LACTB2: variants seen among roughly 807,000 people sequenced by gnomAD.
LACTB2 encodes the protein endoribonuclease LACTB2.
LACTB2 carries 32 observed loss-of-function variants against 34.8 expected under a neutral mutation model. That is an observed-to-expected ratio of 0.92 (90% CI 0.69 to 1.24). The LOEUF (loss-of-function observed/expected upper bound fraction) is 1.24. Among genes scored for constraint, LACTB2 ranks in the 50% most tolerant of loss-of-function variants. The probability of loss-of-function intolerance (pLI) is 0.00; values close to 1 mark genes in which losing one functional copy is unlikely to be tolerated. For synonymous variants in LACTB2, 120 were observed against 117.5 expected (o/e 1.02, Z -0.14); for missense variants, 320 against 345.0 (o/e 0.93, Z 0.57).
chr8:70,646,956 A>G (rs1818271620), intron 3 of LACTB2, among the ~76,000 whole-genome samples: 1 of 152,156 alleles, frequency 6.6e-6, no homozygotes, highest in Non-Finnish European at 1.5e-5. Context: ...TTATACGCTC[A>G]GTACTTGGCA....
At chr8:70,639,706 T>G (rs1818171465) in intron 5 of LACTB2, among the ~76,000 whole-genome samples, 1 of 151,864 alleles carries the variant, frequency 6.6e-6, no homozygotes, top group Non-Finnish European at 1.5e-5. Flanking sequence ...CTCATGCCTG[T>G]AATCCCAGCA....
chr8:70,661,745 C>G lies in LACTB2; in HGVS notation c.275G>C (p.Ser92Thr), dbSNP rs1445415427. Residue 92 changes from serine to threonine, a missense_variant, in exon 2 of 7, where the codon AGC (serine) becomes ACC (threonine). Coordinates refer to ENST00000276590, the MANE Select transcript of LACTB2 (RefSeq NM_016027.3). ...HSGGIGDICK[S>T]INNDTTYCIK... ...TGTTTTCTGTTTACCATTATTGATGCTTTTACAAATATCTCCTATGCCTCC... is the reference window on the plus strand; with the variant it reads ...TGTTTTCTGTTTACCATTATTGATGGTTTTACAAATATCTCCTATGCCTCC... The G allele has an allele frequency of 1.5e-5, 24 of 1,607,128 alleles. No individual in the cohort carries two copies. The highest frequency in any genetic ancestry group is 2.0e-5 in the Non-Finnish European group (23 of 1,178,188).
Position 70,640,948 on chromosome 8 carries a change from A to G in LACTB2, c.695T>C (p.Phe232Ser), listed in dbSNP as rs752578250. The G allele has an allele frequency of 6.2e-7, 1 of 1,607,920 alleles. No individual in the cohort carries two copies. The highest frequency in any genetic ancestry group is 8.5e-7 in the Non-Finnish European group (1 of 1,177,984). ...QQILTLFRENFEKSFTVMELV... is the reference protein window; with the variant it reads ...QQILTLFRENSEKSFTVMELV... ...CTCCATTACTGTAAATGATTTCTCA[A>G]AGTTCTCACGAAATAATGTAAGAAT... Residue 232 changes from phenylalanine to serine, a missense_variant, in exon 5 of 7, where the codon TTT (phenylalanine) becomes TCT (serine). Physicochemically the swap from Phe to Ser is radical, Grantham distance 155. Coordinates refer to ENST00000276590, the MANE Select transcript of LACTB2 (RefSeq NM_016027.3).
chr8:70,643,120 A>T (rs1443255249), intron 4 of LACTB2, among the ~76,000 whole-genome samples: 1 of 151,382 alleles, frequency 6.6e-6, no homozygotes, highest in Admixed American at 6.6e-5. Flanking sequence ...AATAACCCTC[A>T]TATCTTTATC....
intron 1 of LACTB2, among the ~76,000 whole-genome samples, chr8:70,668,578 TAATC>T (rs1489028182): frequency 6.6e-6 from 1 of 152,078 alleles, no homozygotes; most frequent in Non-Finnish European, 1.5e-5. Context: ...TCAACATAAT[TAATC>T]GCTTTTGAGA....
chr8:70,646,561 C>G (rs1378106861), intron 3 of LACTB2: 1 of 152,116 alleles, frequency 6.6e-6, no homozygotes, highest in Non-Finnish European at 1.5e-5. Context: ...AAATTCTACC[C>G]TATATAAGAA....
At chr8:70,661,546 T>G (rs1818481086) in intron 2 of LACTB2, 188 bp downstream of exon 2, 2 of 500,184 alleles carry the variant, frequency 4.0e-6, no homozygotes, top group Non-Finnish European at 7.0e-6. Flanking sequence ...GAAACAGAAA[T>G]CAGGATTTCC....
intron 1 of LACTB2, 32 bp downstream of exon 1, chr8:70,668,967 G>A: frequency 6.4e-7 from 1 of 1,561,246 alleles, no homozygotes. Context: ...GGCCGGCTGC[G>A]AACGTTGGGG....
At chr8:70,649,620 C>A (rs2132073577) in intron 3 of LACTB2, among the ~76,000 whole-genome samples, 1 of 152,130 alleles carries the variant, frequency 6.6e-6, no homozygotes, top group South Asian at 2.1e-4. Flanking sequence ...GAATGGTGCT[C>A]AAAAGTGGGA....
chr8:70,657,818 T>C lies in LACTB2; in HGVS notation c.351A>G (p.Gly117=). 2.5e-6 allele frequency: 4 copies of C among 1,612,262 alleles called. No homozygotes were observed. Among genetic ancestry groups the C allele is most frequent in the Non-Finnish European group, 3.4e-6 (4 of 1,178,374 alleles). ...NPQREEIIGN[G]EQQYVYLKDG... is the part of the protein sequence containing the mutation. Reference sequence around the variant, plus strand: ...CTTTCAGATAAACATATTGTTGCTCTCCATTTCCTATAATTTCTTCTCTCT... The same window carrying C: ...CTTTCAGATAAACATATTGTTGCTCCCCATTTCCTATAATTTCTTCTCTCT... The change falls in exon 3 of 7, where the codon GGA becomes GGG. Residue 117 remains glycine, a synonymous_variant. Coordinates refer to ENST00000276590, the MANE Select transcript of LACTB2 (RefSeq NM_016027.3).
intron 6 of LACTB2, 77 bp from the exon 7 acceptor site, chr8:70,637,980 T>A (rs1295605299): frequency 3.1e-5 from 24 of 775,380 alleles, no homozygotes; most frequent in Non-Finnish European, 4.6e-5. Context: ...ACCTTGTGGC[T>A]AGAAAAAGCA....
intron 1 of LACTB2, 82 bp from the exon 2 acceptor site, chr8:70,661,979 T>A: frequency 8.3e-7 from 1 of 1,210,920 alleles, no homozygotes; most frequent in Non-Finnish European, 1.1e-6. Flanking sequence ...TAATTTACAT[T>A]AAAGAAACTG....
chr8:70,640,254 C>G (rs34550073), intron 5 of LACTB2, among the ~76,000 whole-genome samples: 22,910 of 152,130 alleles, frequency 0.15, 2,440 homozygotes, highest in African/African-American at 0.3. Context: ...AGCCACCACG[C>G]CTGGCCACAA....
chr8:70,649,032 G>T (rs1024984546), intron 3 of LACTB2, among the ~76,000 whole-genome samples: 1 of 152,036 alleles, frequency 6.6e-6, no homozygotes, highest in African/African-American at 2.4e-5. Context: ...ATACTGAGAA[G>T]GAAAAATACT....
At chr8:70,667,311 G>C (rs992996791) in intron 1 of LACTB2, among the ~76,000 whole-genome samples, 54 of 152,336 alleles carry the variant, frequency 3.5e-4, no homozygotes, top group African/African-American at 1.2e-3. Flanking sequence ...TCTTAGAACT[G>C]TTTTGTGAAG....
At chr8:70,641,902 G>A (rs1818203136) in intron 4 of LACTB2, among the ~76,000 whole-genome samples, 1 of 152,178 alleles carries the variant, frequency 6.6e-6, no homozygotes, top group East Asian at 1.9e-4. Context: ...TTGCTGTGTG[G>A]CTAATAAATG....
chr8:70,657,423 C>G (rs1355349317), intron 3 of LACTB2, among the ~76,000 whole-genome samples: 1 of 146,496 alleles, frequency 6.8e-6, no homozygotes, highest in Admixed American at 6.8e-5. Context: ...ATGCACAGAT[C>G]TTCTATTTTT....
At chr8:70,646,204 G>A (rs970584717) in intron 3 of LACTB2, 5 of 152,182 alleles carry the variant, frequency 3.3e-5, no homozygotes, top group African/African-American at 1.2e-4. Flanking sequence ...GTGTGAGATG[G>A]TATCTCATTG....
rs7830986 is a variant in LACTB2 at position 70,638,597 on chromosome 8, T to C, written c.774A>G (p.Lys258=). The change falls in exon 6 of 7, where the codon AAA becomes AAG. Residue 258 remains lysine, a synonymous_variant. Coordinates refer to ENST00000276590, the MANE Select transcript of LACTB2 (RefSeq NM_016027.3). ...NTPENLHEMA[K]HNLLLHLKKL... ...TTTTCAAATGAAGTAAGAGATTATG[T>C]TTAGCCATTTCATGTAAATTCTCAG... The C allele has an allele frequency of 0.1, 149,209 of 1,489,120 alleles. 10,125 individuals are homozygous for C. The highest frequency in any genetic ancestry group is 0.34 in the African/African-American group (23,013 of 67,792). The allele number at this position is 1,489,120 out of a possible 1,614,324, so 92.2% of individuals were successfully genotyped here. A position where few individuals can be genotyped will look rare whatever the true frequency, so the allele number is the denominator to read the frequency against.
Sources: allele counts gnomAD v4.1 joint callset (sites outside exome capture counted in the v4.1 genomes callset), GRCh38; gene constraint gnomAD v4.1.1; transcripts MANE v1.5; gene names NCBI Gene and HGNC (gene_info 2026-07-23, HGNC 2026-07-21).